PFKFB3: variants seen among roughly 807,000 people sequenced by gnomAD.
The protein encoded by PFKFB3 is 6-phosphofructo-2-kinase/fructose-2,6-bisphosphatase 3.
In PFKFB3, 33 loss-of-function variants were observed where a neutral mutation model predicts 68.0. The ratio of observed to expected loss-of-function variants is 0.49; its 90% CI spans 0.37 to 0.65. PFKFB3 has a LOEUF of 0.65. Ranked by LOEUF, PFKFB3 falls within the 30% of genes least tolerant of loss-of-function variation. The pLI, the probability that PFKFB3 is intolerant of heterozygous loss-of-function variation, is 0.00. For synonymous variants in PFKFB3, 315 were observed against 288.2 expected, an observed-to-expected ratio of 1.09 and a Z score of -0.94; for missense variants, 586 against 712.2, an observed-to-expected ratio of 0.82 and a Z score of 2.02.
At chr10:6,224,322 C>T in intron 13 of PFKFB3, 109 bp downstream of exon 13, 1 of 1,039,036 alleles carries the variant, frequency 9.6e-7, no homozygotes, top group South Asian at 1.3e-5. Flanking sequence ...GCTGGCCTGT[C>T]TGGGGCCATG....
chr10:6,221,780 G>A, intron 10 of PFKFB3, 35 bp downstream of exon 10: 1 of 1,418,154 alleles, frequency 7.1e-7, no homozygotes, highest in Non-Finnish European at 9.8e-7. Context: ...ACGGTCCCCA[G>A]CACACATGAC....
Position 6,228,235 on chromosome 10 carries a change from T to A in PFKFB3, c.1515+1870T>A. On this transcript the variant is annotated intron_variant, in intron 14 of 14. Transcript: ENST00000379775. The surrounding 1 kb of genome is among the most constrained non-coding windows in gnomAD (Gnocchi z 4.5). ...AGCCTGTCTGTAAGTATCTCTCCGA[T>A]CATCGCTGCTGCTTGCACTGCTTTC... 6.2e-7 allele frequency: 1 copy of A among 1,612,626 alleles called. No individual in the cohort carries two copies. Among genetic ancestry groups the A allele is most frequent in the South Asian group, 1.1e-5 (1 of 91,080 alleles).
At chr10:6,203,774 A>G (rs1750936353) in intron 1 of PFKFB3, among the ~76,000 whole-genome samples, 2 of 151,968 alleles carry the variant, frequency 1.3e-5, no homozygotes, top group Non-Finnish European at 2.9e-5. Flanking sequence ...CCGCCTTGCT[A>G]TGCATTCCTA....
chr10:6,275,073 G>C, the PFKFB3 span, among the ~76,000 whole-genome samples: 13 of 152,128 alleles, frequency 8.5e-5, no homozygotes, highest in African/African-American at 2.9e-4. The surrounding 1 kb of genome is among the most constrained non-coding windows in gnomAD (Gnocchi z 4.9). Flanking sequence ...GGACTTTTGG[G>C]GTCTGTGGTT....
At chr10:6,180,071 G>C (rs148111038) in intron 1 of PFKFB3, among the ~76,000 whole-genome samples, 1 of 152,100 alleles carries the variant, frequency 6.6e-6, no homozygotes, top group African/African-American at 2.4e-5. Context: ...GGCCAGGCTC[G>C]GTGGCGCTCG....
chr10:6,302,096 C>A, the PFKFB3 span, among the ~76,000 whole-genome samples: 1 of 151,542 alleles, frequency 6.6e-6, no homozygotes, highest in South Asian at 2.1e-4. Context: ...GCTCTGTCAC[C>A]CAGGCTGGAG....
intron 1 of PFKFB3, 67 bp from the exon 2 acceptor site, chr10:6,213,556 G>A (rs528354952): frequency 1.3e-6 from 2 of 1,543,516 alleles, no homozygotes; most frequent in South Asian, 2.4e-5. Context: ...TTATTGTTGG[G>A]TGTGGCCTCT....
Position 6,202,965 on chromosome 10 carries a change from T to G in PFKFB3, c.-296T>G. ...CGGAGAGGAGGCGAGCAGCAGGGCC[T>G]GGTGGCGAGAGCGCGGCTGTCACTG... On this transcript the variant is annotated 5_prime_UTR_variant, in exon 1 of 15. Transcript: ENST00000379775. 7.8e-7 allele frequency: 1 copy of G among 1,283,708 alleles called. No individual in the cohort carries two copies. Among genetic ancestry groups the G allele is most frequent in the Non-Finnish European group, 9.9e-7 (1 of 1,014,592 alleles). The allele number at this position is 1,283,708 out of a possible 1,614,324, so 79.5% of individuals were successfully genotyped here.
Position 6,220,973 on chromosome 10 carries a change from G to GTGTGCTTGC in PFKFB3, c.831+113_831+121dup. ...CTGCTGCTGCTGCTGCTGCTGCTTG[G>GTGTGCTTGC]TGTGCTTGCTGTGTGTGTTATCTGT... is the stretch of plus-strand genomic sequence containing the variant. On this transcript the variant is annotated intron_variant, in intron 8 of 14. Transcript: ENST00000379775. This position sits in a 1 kb window ranked among gnomAD's most constrained non-coding sequence, Gnocchi z 4.1. The GTGTGCTTGC allele has an allele frequency of 4.5e-6, 4 of 882,160 alleles. No individual in the cohort carries two copies. The highest frequency in any genetic ancestry group is 5.4e-6 in the Non-Finnish European group (3 of 558,190). The allele number at this position is 882,160 out of a possible 1,614,324, so 54.6% of individuals were successfully genotyped here.
chr10:6,156,930 A>G (rs1184845330), intron 1 of PFKFB3, among the ~76,000 whole-genome samples: 1 of 151,192 alleles, frequency 6.6e-6, no homozygotes, highest in Non-Finnish European at 1.5e-5. Context: ...CTTCTCTACT[A>G]AAAATACAAA....
At chr10:6,251,368 TTGAG>T (rs1846376762) in intron 14 of PFKFB3, among the ~76,000 whole-genome samples, 1 of 152,222 alleles carries the variant, frequency 6.6e-6, no homozygotes, top group African/African-American at 2.4e-5. Flanking sequence ...CCTTGCTCTC[TTGAG>T]TTTTTTGAAT....
chr10:6,323,447 T>C, the PFKFB3 span, among the ~76,000 whole-genome samples: 3 of 152,210 alleles, frequency 2.0e-5, no homozygotes, highest in Non-Finnish European at 4.4e-5. Context: ...GGTTCTGAAC[T>C]CCTTTGAAAG....
the PFKFB3 span, among the ~76,000 whole-genome samples, chr10:6,278,279 T>G: frequency 4.6e-3 from 699 of 151,634 alleles, 4 homozygotes; most frequent in African/African-American, 0.014. Context: ...TTGATTTTTT[T>G]TTGTTGTTGT....
At chr10:6,318,783 G>A in the PFKFB3 span, among the ~76,000 whole-genome samples, 2 of 152,164 alleles carry the variant, frequency 1.3e-5, no homozygotes, top group South Asian at 4.1e-4. Context: ...CAGTCCTCGG[G>A]GTGGTGAACT....
chr10:6,213,785 C>A, intron 2 of PFKFB3, 37 bp downstream of exon 2: 1 of 1,598,076 alleles, frequency 6.3e-7, no homozygotes, highest in Non-Finnish European at 8.5e-7. Context: ...CCTGCTCGTG[C>A]AAAAACTTGA....
intron 10 of PFKFB3, among the ~76,000 whole-genome samples, chr10:6,222,082 C>T (rs1013195555): frequency 1.3e-5 from 2 of 152,106 alleles, no homozygotes; most frequent in Admixed American, 6.5e-5. Context: ...TCCCCGTGCA[C>T]GGTGCCCGGG....
chr10:6,187,400 C>T (rs1262009169), intron 1 of PFKFB3, among the ~76,000 whole-genome samples: 1 of 152,076 alleles, frequency 6.6e-6, no homozygotes, highest in African/African-American at 2.4e-5. Context: ...TTTGTCCTAT[C>T]TCACTTCGCC....
intron 1 of PFKFB3, among the ~76,000 whole-genome samples, chr10:6,152,723 A>T (rs998990872): frequency 4.6e-5 from 7 of 151,618 alleles, no homozygotes; most frequent in Non-Finnish European, 1.0e-4. Flanking sequence ...CAAATAAAAA[A>T]TTAAAAAATT....
intron 4 of PFKFB3, 39 bp downstream of exon 4, chr10:6,216,230 C>A (rs759737654): frequency 6.3e-7 from 1 of 1,579,138 alleles, no homozygotes; most frequent in Non-Finnish European, 8.7e-7. Flanking sequence ...TGTCCAGTCC[C>A]ACCCATGAGG....
Sources: allele counts gnomAD v4.1 joint callset (sites outside exome capture counted in the v4.1 genomes callset), GRCh38; gene constraint gnomAD v4.1.1; non-coding constraint Gnocchi (gnomAD v3.1); transcripts MANE v1.5; gene names NCBI Gene and HGNC (gene_info 2026-07-23, HGNC 2026-07-21).